Variants in WAPL observed in about 807,000 individuals in gnomAD.
The protein encoded by WAPL is WAPL cohesin release factor, also known as wings apart-like protein homolog.
A neutral mutation model predicts 121.0 loss-of-function variants in WAPL; 5 were observed. That is an observed-to-expected ratio of 0.04 (90% CI 0.02 to 0.09). WAPL has a LOEUF of 0.09. Ranked by LOEUF, WAPL falls within the 10% of genes least tolerant of loss-of-function variation. The pLI is 1.00. For missense variants in WAPL, 999 were observed against 1,410.8 expected, an observed-to-expected ratio of 0.71 and a Z score of 4.68; for synonymous variants, 480 against 481.5, an observed-to-expected ratio of 1.00 and a Z score of 0.04.
rs1841557999 is a variant in WAPL, at chr10:86,472,625, C to T, written c.1880G>A (p.Arg627Gln). The change falls in exon 6 of 19, where the codon CGA (arginine) becomes CAA (glutamine). Residue 627 changes from arginine (R) to glutamine (Q), a missense_variant. Transcript: ENST00000298767. This position sits in a 1 kb window ranked among gnomAD's most constrained non-coding sequence, Gnocchi z 4.2. ...ATGGCTGCTTACTTCTTTGTCTTCT[C>T]GTCTGCATTTCAGTGCAGTAACTAT... is the stretch of plus-strand genomic sequence containing the variant. ...QDIVTALKCR[R>Q]EDKELYTVVQ... 1 of 1,613,450 alleles carries T rather than the reference C, an allele frequency of 6.2e-7. No individual in the cohort carries two copies. Among genetic ancestry groups the T allele is most frequent in the Non-Finnish European group, 8.5e-7 (1 of 1,179,764 alleles).
chr10:86,510,068 C>CTTTTTTT (rs11323475), intron 2 of WAPL, among the ~76,000 whole-genome samples: 18 of 57,238 alleles, frequency 3.1e-4, no homozygotes, highest in African/African-American at 1.3e-3. Context: ...TCCACCCGGC[C>CTTTTTTT]TTTTTTTTTT....
intron 2 of WAPL, among the ~76,000 whole-genome samples, chr10:86,515,673 T>C (rs1320377082): frequency 3.3e-5 from 5 of 151,764 alleles, no homozygotes; most frequent in East Asian, 2.0e-4. Context: ...TCCCAGCTAC[T>C]GGGGAGGCTG....
At chr10:86,464,815 G>A (rs1160607713) in intron 9 of WAPL, among the ~76,000 whole-genome samples, 1 of 152,234 alleles carries the variant, frequency 6.6e-6, no homozygotes, top group Non-Finnish European at 1.5e-5. Flanking sequence ...CGGCCTGGGT[G>A]ACAGGGGCAA....
intron 15 of WAPL, among the ~76,000 whole-genome samples, chr10:86,449,319 T>C (rs1840910810): frequency 6.6e-6 from 1 of 152,232 alleles, no homozygotes; most frequent in African/African-American, 2.4e-5. Context: ...CTTGACACTT[T>C]AAGGTAACTG....
chr10:86,440,733 T>G (rs1849447921), intron 17 of WAPL, among the ~76,000 whole-genome samples: 1 of 152,040 alleles, frequency 6.6e-6, no homozygotes, highest in Non-Finnish European at 1.5e-5. Context: ...AGAGCCACGA[T>G]GAGAACTTTG....
intron 4 of WAPL, among the ~76,000 whole-genome samples, chr10:86,483,333 T>A (rs1386089929): frequency 6.6e-6 from 1 of 151,844 alleles, no homozygotes; most frequent in Non-Finnish European, 1.5e-5. Context: ...GGCAGGAGAA[T>A]TGCTTGAACC....
Position 86,517,951 on chromosome 10 carries a change from A to C in WAPL, c.119T>G (p.Phe40Cys). The C allele has an allele frequency of 6.2e-7, 1 of 1,614,166 alleles. No homozygotes were observed. The highest frequency in any genetic ancestry group is 8.5e-7 in the Non-Finnish European group (1 of 1,180,022). Residue 40 changes from phenylalanine (F) to cysteine (C), a missense_variant, in exon 2 of 19, where the codon TTT becomes TGT. Around this residue, in one of 7 missense-constraint regions of WAPL, gnomAD observed 30 missense variants for 56.4 expected, o/e 0.53. Transcript: ENST00000298767. Reference sequence around the variant, plus strand: ...CCTCTTCTGCCCTAATTTAGCCATAAATGTGGTCTCTCCCCATTTTGTGCT... The same window carrying C: ...CCTCTTCTGCCCTAATTTAGCCATACATGTGGTCTCTCCCCATTTTGTGCT... ...TLSTKWGETT[F>C]MAKLGQKRPN...
At chr10:86,496,343 A>C (rs1002658023) in intron 4 of WAPL, among the ~76,000 whole-genome samples, 5 of 152,182 alleles carry the variant, frequency 3.3e-5, no homozygotes, top group Non-Finnish European at 5.9e-5. Context: ...TGCTGGTAGC[A>C]ATGTAAAATG....
At chr10:86,447,243 C>T (rs10887610) in intron 15 of WAPL, among the ~76,000 whole-genome samples, 81,994 of 152,014 alleles carry the variant, frequency 0.54, 22,344 homozygotes, top group East Asian at 0.74. Context: ...TAAATATAGA[C>T]AGATAAAGCA....
chr10:86,453,653 T>C lies in WAPL; in HGVS notation c.2833+3A>G, dbSNP rs1841057319. On this transcript the variant is annotated splice_donor_region_variant and intron_variant, in intron 13 of 18. Coordinates refer to ENST00000298767, the MANE Select transcript of WAPL (RefSeq NM_015045.5). Reference sequence around the variant, plus strand: ...ATGAGAAAAAAATGGAAAAAAATCTTACCATTATCATTAGTTAAATTAAGC... The same window carrying C: ...ATGAGAAAAAAATGGAAAAAAATCTCACCATTATCATTAGTTAAATTAAGC... The C allele has an allele frequency of 6.3e-7, 1 of 1,593,608 alleles. No individual in the cohort carries two copies. Among genetic ancestry groups the C allele is most frequent in the South Asian group, 1.1e-5 (1 of 87,460 alleles).
rs140163704 is a variant in WAPL at position 86,447,046 on chromosome 10, G to A, written c.3115-597C>T. ...TCAAAATTGGTCTAAGAATCCCTACGGATCCTTAAGACCCTATCAGGGAGT... is the reference window on the plus strand; with the variant it reads ...TCAAAATTGGTCTAAGAATCCCTACAGATCCTTAAGACCCTATCAGGGAGT... On this transcript the variant is annotated intron_variant, in intron 15 of 18. Transcript: ENST00000298767. Among the ~76,000 whole-genome samples, 198 of 152,226 alleles carry A rather than the reference G, an allele frequency of 1.3e-3. 1 individual carries two copies. Among genetic ancestry groups the A allele is most frequent in the African/African-American group, 4.2e-3 (174 of 41,550 alleles).
chr10:86,487,820 G>A (rs561093238), intron 4 of WAPL, among the ~76,000 whole-genome samples: 16 of 152,208 alleles, frequency 1.1e-4, no homozygotes, highest in African/African-American at 2.2e-4. Context: ...GAGTGAACCT[G>A]GGAGGCGGAG....
intron 17 of WAPL, among the ~76,000 whole-genome samples, chr10:86,442,129 C>T (rs539395601): frequency 2.0e-5 from 3 of 152,288 alleles, no homozygotes; most frequent in Non-Finnish European, 4.4e-5. Flanking sequence ...AGGATTCAAG[C>T]GATTCGATTC....
rs368689714 is a variant in WAPL at position 86,472,176 on chromosome 10, C to T, written c.2030+32G>A. ...TTGAAAAAATTTAATACAGCATGCA[C>T]ATAATTGTAAAATATAAAAATAAGA... On this transcript the variant is annotated intron_variant, in intron 7 of 18. Coordinates refer to ENST00000298767, the MANE Select transcript of WAPL (RefSeq NM_015045.5). This position sits in a 1 kb window ranked among gnomAD's most constrained non-coding sequence, Gnocchi z 4.2. 3.9e-5 allele frequency: 60 copies of T among 1,525,430 alleles called. No homozygotes were observed. Among genetic ancestry groups the T allele is most frequent in the Non-Finnish European group, 5.2e-5 (59 of 1,144,468 alleles). 94.5% of individuals were successfully genotyped at this position (1,525,430 alleles called of 1,614,324 possible). A position where few individuals can be genotyped will look rare whatever the true frequency, so the allele number is the denominator to read the frequency against.
At chr10:86,446,594 C>T in intron 15 of WAPL, 145 bp from the exon 16 acceptor site, 2 of 948,200 alleles carry the variant, frequency 2.1e-6, no homozygotes, top group Non-Finnish European at 3.1e-6. Context: ...TAAGTAAAAG[C>T]TTTTGCTCTA....
chr10:86,480,122 A>G (rs1477581796), intron 4 of WAPL, among the ~76,000 whole-genome samples: 1 of 152,236 alleles, frequency 6.6e-6, no homozygotes, highest in Admixed American at 6.5e-5. Context: ...GCAATATGAA[A>G]CACTGTAGAG....
chr10:86,445,616 C>T lies in WAPL; in HGVS notation c.3322+626G>A, dbSNP rs966627453. 7.9e-5 allele frequency among the ~76,000 whole-genome samples: 12 copies of T among 152,040 alleles called. No homozygotes were observed. In the East Asian group the frequency reaches 9.7e-4, roughly 12 times the overall value. On this transcript the variant is annotated intron_variant, in intron 16 of 18. Coordinates refer to ENST00000298767, the MANE Select transcript of WAPL (RefSeq NM_015045.5). ...CATAGCTCACTGTAACTTTGAATTC[C>T]TCAGCTCAAGCAATCCTCCCACCTC...
At chr10:86,488,102 G>A (rs1236519037) in intron 4 of WAPL, among the ~76,000 whole-genome samples, 1 of 152,100 alleles carries the variant, frequency 6.6e-6, no homozygotes, top group Non-Finnish European at 1.5e-5. Context: ...ATTTCTCTCG[G>A]CGAAGGGAAT....
chr10:86,456,789 G>A (rs1841156065), intron 12 of WAPL, among the ~76,000 whole-genome samples: 1 of 152,110 alleles, frequency 6.6e-6, no homozygotes, highest in Admixed American at 6.6e-5. Flanking sequence ...TTTCAGGCTG[G>A]GCTAAACTGG....
Sources: gnomAD v4.1 joint callset for allele counts (sites outside exome capture counted in the v4.1 genomes callset) on GRCh38, gnomAD v4.1.1 for gene constraint, gnomAD v4.1.1 regional missense constraint, Gnocchi (gnomAD v3.1) non-coding constraint, MANE v1.5 for transcripts, NCBI Gene and HGNC (gene_info 2026-07-23, HGNC 2026-07-21) for gene names.